The following TBC1D32 variants were observed in gnomAD, a reference collection of about 807,000 sequenced individuals.
TBC1D32 encodes the protein protein broad-minded.
TBC1D32 carries 151 observed loss-of-function variants against 170.3 expected under a neutral mutation model. That is an observed-to-expected ratio of 0.89 (90% CI 0.78 to 1.01). TBC1D32 has a LOEUF of 1.01. Among genes scored for constraint, TBC1D32 ranks in the 50% least tolerant of loss-of-function variants. The pLI is 0.00. For synonymous variants in TBC1D32, 498 were observed against 488.0 expected, an observed-to-expected ratio of 1.02 and a Z score of -0.27; for missense variants, 1,464 against 1,457.1, an observed-to-expected ratio of 1.00 and a Z score of -0.08.
intron 22 of TBC1D32, among the ~76,000 whole-genome samples, chr6:121,177,604 T>C (rs1483881346): frequency 2.0e-5 from 3 of 152,174 alleles, no homozygotes; most frequent in Non-Finnish European, 4.4e-5. Context: ...CAACCATAGA[T>C]TGCCTACATT....
chr6:121,236,430 G>A (rs2128350042), intron 20 of TBC1D32, among the ~76,000 whole-genome samples: 1 of 152,096 alleles, frequency 6.6e-6, no homozygotes, highest in South Asian at 2.1e-4. Flanking sequence ...GGACTAGAAT[G>A]GACATATGTT....
chr6:121,121,123 A>G (rs544387934), intron 26 of TBC1D32, among the ~76,000 whole-genome samples: 54 of 152,178 alleles, frequency 3.5e-4, no homozygotes, highest in African/African-American at 1.3e-3. Flanking sequence ...AGCCATATAC[A>G]ATATAATAAA....
intron 24 of TBC1D32, among the ~76,000 whole-genome samples, chr6:121,145,698 T>C (rs528497117): frequency 6.6e-6 from 1 of 152,148 alleles, no homozygotes; most frequent in Non-Finnish European, 1.5e-5. Context: ...TTTCAAAACA[T>C]GTTGTACATG....
At chr6:121,095,816 T>C (rs1000962547) in intron 30 of TBC1D32, 1 of 152,216 alleles carries the variant, frequency 6.6e-6, no homozygotes, top group Non-Finnish European at 1.5e-5. Context: ...TTCGATGTGC[T>C]ACTGGATTTG....
At chr6:121,266,515 G>A (rs1032055285) in intron 15 of TBC1D32, among the ~76,000 whole-genome samples, 2 of 152,112 alleles carry the variant, frequency 1.3e-5, no homozygotes, top group African/African-American at 4.8e-5. Flanking sequence ...AATTCCTCAA[G>A]GATCTAGACG....
chr6:121,253,664 A>G (rs905801362), intron 17 of TBC1D32, among the ~76,000 whole-genome samples: 2 of 152,082 alleles, frequency 1.3e-5, no homozygotes, highest in Non-Finnish European at 2.9e-5. Context: ...GCTTTCAGTG[A>G]GCCGAGATCA....
In TBC1D32 at chr6:121,135,680, G is replaced by T. The variant is rs545625693; in HGVS notation, c.2774-3928C>A. ...TGATTAATCAGCTGTGGAAACTAAGGGTGAAATTTCACAAGGCTGAGAAAG... is the reference window on the plus strand; with the variant it reads ...TGATTAATCAGCTGTGGAAACTAAGTGTGAAATTTCACAAGGCTGAGAAAG... On this transcript the variant is annotated intron_variant, in intron 24 of 31. Transcript: ENST00000398212. 2.2e-3 allele frequency among the ~76,000 whole-genome samples: 334 copies of T among 152,168 alleles called. 1 individual carries two copies. Among genetic ancestry groups the T allele is most frequent in the African/African-American group, 7.5e-3 (313 of 41,500 alleles).
At chr6:121,197,994 A>C (rs969622692) in intron 22 of TBC1D32, among the ~76,000 whole-genome samples, 2 of 151,818 alleles carry the variant, frequency 1.3e-5, no homozygotes, top group African/African-American at 4.8e-5. Flanking sequence ...CCCAGCCTAC[A>C]TCTTTCTCCT....
chr6:121,308,989 T>C (rs1807769026), intron 4 of TBC1D32, among the ~76,000 whole-genome samples: 1 of 152,094 alleles, frequency 6.6e-6, no homozygotes, highest in African/African-American at 2.4e-5. Context: ...AACTAAAGCC[T>C]AGTCATTAAA....
At chr6:121,248,774 C>G (rs1280611288) in intron 17 of TBC1D32, among the ~76,000 whole-genome samples, 2 of 150,748 alleles carry the variant, frequency 1.3e-5, no homozygotes, top group Non-Finnish European at 3.0e-5. Context: ...AAACCCTGAA[C>G]AGACCAATAA....
chr6:121,266,088 T>C (rs528504772), intron 15 of TBC1D32, among the ~76,000 whole-genome samples: 1 of 152,120 alleles, frequency 6.6e-6, no homozygotes, highest in South Asian at 2.1e-4. Flanking sequence ...CTAATTAAAC[T>C]AAAGAGCTTC....
chr6:121,186,497 A>T (rs1374526977), intron 22 of TBC1D32, among the ~76,000 whole-genome samples: 1 of 152,132 alleles, frequency 6.6e-6, no homozygotes, highest in Non-Finnish European at 1.5e-5. Context: ...TTGAATTACA[A>T]GAGAAAACAG....
chr6:121,220,493 T>C (rs548775789), intron 21 of TBC1D32, among the ~76,000 whole-genome samples: 34 of 152,194 alleles, frequency 2.2e-4, no homozygotes, highest in Middle Eastern at 3.4e-3. Context: ...ATTAACAGGT[T>C]GGTTCATGGG....
chr6:121,238,995 G>A, intron 20 of TBC1D32, 75 bp downstream of exon 20: 4 of 734,948 alleles, frequency 5.4e-6, no homozygotes. Context: ...AACTGAATAT[G>A]GATAAAGTAT....
At chr6:121,251,565 T>C (rs774611680) in intron 17 of TBC1D32, among the ~76,000 whole-genome samples, 2 of 152,122 alleles carry the variant, frequency 1.3e-5, no homozygotes, top group Non-Finnish European at 2.9e-5. Context: ...CAAGATGGAT[T>C]AAAGACTTAA....
chr6:121,246,524 A>C (rs1797632610), intron 17 of TBC1D32, among the ~76,000 whole-genome samples: 1 of 152,060 alleles, frequency 6.6e-6, no homozygotes, highest in Admixed American at 6.6e-5. Flanking sequence ...CAATGGATCC[A>C]AACCAAGAAG....
At chr6:121,286,119 C>T (rs55642029) in intron 12 of TBC1D32, among the ~76,000 whole-genome samples, 7,514 of 152,134 alleles carry the variant, frequency 0.049, 625 homozygotes, top group African/African-American at 0.17. Context: ...TAACCAGCAA[C>T]GGAACAAAGC....
chr6:121,215,304 A>G (rs1793684392), intron 21 of TBC1D32, among the ~76,000 whole-genome samples: 1 of 152,186 alleles, frequency 6.6e-6, no homozygotes, highest in African/African-American at 2.4e-5. Context: ...GGGATCCACC[A>G]CTATCTACCC....
chr6:121,315,095 C>T (rs1473121336), intron 3 of TBC1D32, among the ~76,000 whole-genome samples: 1 of 152,204 alleles, frequency 6.6e-6, no homozygotes, highest in African/African-American at 2.4e-5. Context: ...ATAACTTACA[C>T]CCAAGCTCTC....
Sources: allele counts gnomAD v4.1 joint callset (sites outside exome capture counted in the v4.1 genomes callset), GRCh38; gene constraint gnomAD v4.1.1; transcripts MANE v1.5; gene names NCBI Gene and HGNC (gene_info 2026-07-23, HGNC 2026-07-21).